The following HSPA4L variants were observed in gnomAD, a reference collection of about 807,000 sequenced individuals.
HSPA4L encodes the protein heat shock 70 kDa protein 4L.
HSPA4L carries 48 observed loss-of-function variants against 100.3 expected under a neutral mutation model. The ratio of observed to expected loss-of-function variants is 0.48; its 90% CI spans 0.38 to 0.61. The LOEUF is 0.61. Ranked by LOEUF, HSPA4L falls within the 20% of genes least tolerant of loss-of-function variation. The pLI, the probability that HSPA4L is intolerant of heterozygous loss-of-function variation, is 0.00. For missense variants in HSPA4L, 886 were observed against 988.6 expected (o/e 0.90, Z 1.39); for synonymous variants, 319 against 328.2 (o/e 0.97, Z 0.30).
At chr4:127,792,106 C>A (rs1279442032) in intron 1 of HSPA4L, among the ~76,000 whole-genome samples, 1 of 152,166 alleles carries the variant, frequency 6.6e-6, no homozygotes, top group East Asian at 1.9e-4. Context: ...TGGAATATTG[C>A]CTCTCCAGTT....
intron 18 of HSPA4L, 122 bp downstream of exon 18, chr4:127,830,921 T>C (rs994180413): frequency 9.9e-6 from 6 of 604,602 alleles, no homozygotes; most frequent in Non-Finnish European, 1.0e-5. Context: ...AGACTAATTT[T>C]TTATTTAGTT....
Position 127,782,506 on chromosome 4 carries a change from G to T in HSPA4L, c.-45G>T. ...TAGCCCAGAAGAGGACACGGTTCCC[G>T]TACCGAAGGGTTCAGTACCAGCAGC... On this transcript the variant is annotated 5_prime_UTR_variant, in exon 1 of 19. Coordinates refer to ENST00000296464, the MANE Select transcript of HSPA4L (RefSeq NM_014278.4). The T allele has an allele frequency of 6.6e-7, 1 of 1,507,904 alleles. No homozygotes were observed. The highest frequency in any genetic ancestry group is 9.2e-7 in the Non-Finnish European group (1 of 1,084,288). The allele number at this position is 1,507,904 out of a possible 1,614,324, so 93.4% of individuals were successfully genotyped here.
intron 1 of HSPA4L, among the ~76,000 whole-genome samples, chr4:127,787,889 A>G (rs1274230741): frequency 6.6e-6 from 1 of 152,126 alleles, no homozygotes; most frequent in East Asian, 1.9e-4. Context: ...GTCTTTTAAT[A>G]TGTGGTCATT....
At chr4:127,799,070 G>C (rs1733102348) in intron 4 of HSPA4L, among the ~76,000 whole-genome samples, 1 of 151,874 alleles carries the variant, frequency 6.6e-6, no homozygotes, top group Admixed American at 6.6e-5. Flanking sequence ...TTGTGTATCA[G>C]GGGAAAAAAA....
At chr4:127,823,151 T>A (rs368357567) in intron 15 of HSPA4L, among the ~76,000 whole-genome samples, 99 of 152,264 alleles carry the variant, frequency 6.5e-4, no homozygotes, top group Middle Eastern at 3.4e-3. Context: ...TTAATTTTTT[T>A]TTTATTTATT....
At position 127,838,903 on chromosome 4, in the gene HSPA4L, A is replaced by G. The variant is rs1463331174; in HGVS notation, c.*6029A>G. ...TTTTTAATATTTATTCTTCCCGTTA[A>G]GGGTTTTTTGGCTATAAATTCGTAC... On this transcript the variant is annotated 3_prime_UTR_variant, in exon 19 of 19. Transcript: ENST00000296464. The G allele has an allele frequency of 1.3e-5, 2 of 151,982 alleles. No individual in the cohort carries two copies. The highest frequency in any genetic ancestry group is 4.8e-5 in the African/African-American group (2 of 41,354). 9.4% of individuals were successfully genotyped at this position (151,982 alleles called of 1,614,324 possible). A position where few individuals can be genotyped will look rare whatever the true frequency, so the allele number is the denominator to read the frequency against.
Position 127,830,631 on chromosome 4 carries a change from T to TA in HSPA4L, c.2167-4dup. 6.4e-7 allele frequency: 1 copy of TA among 1,551,626 alleles called. No homozygotes were observed. Among genetic ancestry groups the TA allele is most frequent in the Non-Finnish European group, 8.7e-7 (1 of 1,155,432 alleles). ...AACATGCAGTCAAGCTTTTTTTTTT[T>TA]AAATAGGATGAAAGATATGATCATC... is the stretch of plus-strand genomic sequence containing the variant. On this transcript the variant is annotated splice_region_variant and splice_polypyrimidine_tract_variant and intron_variant, in intron 17 of 18. Coordinates refer to ENST00000296464, the MANE Select transcript of HSPA4L (RefSeq NM_014278.4).
chr4:127,806,254 CTG>C (rs963081961), intron 10 of HSPA4L, among the ~76,000 whole-genome samples: 21 of 151,910 alleles, frequency 1.4e-4, no homozygotes, highest in Admixed American at 6.6e-5. Context: ...CAGACAGTAA[CTG>C]TTTTTTCAAT....
intron 12 of HSPA4L, chr4:127,813,277 C>G: frequency 1.4e-6 from 1 of 737,174 alleles, no homozygotes; most frequent in Non-Finnish European, 2.3e-6. Context: ...CAGTTTCTCC[C>G]TTTTTTTAAG....
At chr4:127,794,583 CT>C (rs1428269054) in intron 2 of HSPA4L, among the ~76,000 whole-genome samples, 4 of 152,032 alleles carry the variant, frequency 2.6e-5, no homozygotes, top group Non-Finnish European at 5.9e-5. Context: ...TATTTTTAGG[CT>C]TTTGAAATCT....
chr4:127,783,659 C>G, intron 1 of HSPA4L: 1 of 1,535,570 alleles, frequency 6.5e-7, no homozygotes, highest in Non-Finnish European at 8.7e-7. Flanking sequence ...TGTATGAAAC[C>G]TATATTACTT....
rs1298703843 is a variant in HSPA4L, at chr4:127,837,254, A to C, written c.*4380A>C. The C allele has an allele frequency of 6.6e-6, 1 of 152,008 alleles. No homozygotes were observed. Among genetic ancestry groups the C allele is most frequent in the Non-Finnish European group, 1.5e-5 (1 of 67,990 alleles). The allele number at this position is 152,008 out of a possible 1,614,324, so 9.4% of individuals were successfully genotyped here. A position where few individuals can be genotyped will look rare whatever the true frequency, so the allele number is the denominator to read the frequency against. ...CGTGAGCCACCATACCCGGCCAAAA[A>C]TTTTTGCTTTTAAAGTTAATGTTAT... On this transcript the variant is annotated 3_prime_UTR_variant, in exon 19 of 19. Coordinates refer to ENST00000296464, the MANE Select transcript of HSPA4L (RefSeq NM_014278.4).
intron 1 of HSPA4L, chr4:127,783,596 A>G: frequency 6.5e-7 from 1 of 1,532,938 alleles, no homozygotes; most frequent in Non-Finnish European, 8.7e-7. Context: ...AATATGAAAA[A>G]CTAGTTGCTG....
intron 1 of HSPA4L, among the ~76,000 whole-genome samples, chr4:127,784,602 TCTTCTCTC>T: frequency 6.6e-6 from 1 of 152,268 alleles, no homozygotes; most frequent in Non-Finnish European, 1.5e-5. Context: ...CATCAGCAAC[TCTTCTCTC>T]CATGGCTGGG....
chr4:127,801,780 T>C lies in HSPA4L; in HGVS notation c.530-5T>C. 4 of 1,594,954 alleles carry C rather than the reference T, an allele frequency of 2.5e-6. No individual in the cohort carries two copies. The highest frequency in any genetic ancestry group is 3.4e-6 in the Non-Finnish European group (4 of 1,172,942). On this transcript the variant is annotated splice_region_variant and splice_polypyrimidine_tract_variant and intron_variant, in intron 5 of 18. Transcript: ENST00000296464. ...GAATTAACATAATTCTTTGTTCTTATACAGTTGCACTGGCGTATGGAATTT... is the reference window on the plus strand; with the variant it reads ...GAATTAACATAATTCTTTGTTCTTACACAGTTGCACTGGCGTATGGAATTT...
chr4:127,823,526 A>C lies in HSPA4L; in HGVS notation c.1948A>C (p.Lys650Gln), dbSNP rs200594796. ...TCAAATATATTACTAGGACTTGAGTAAACTGTCTGCAGTATTGGAAGACAC... is the reference window on the plus strand; with the variant it reads ...TCAAATATATTACTAGGACTTGAGTCAACTGTCTGCAGTATTGGAAGACAC... ...EKFITPEDLS[K>Q]LSAVLEDTEN... Residue 650 changes from lysine (K) to glutamine (Q), a missense_variant, in exon 16 of 19, where the codon AAA becomes CAA. By Grantham distance (53) the Lys-to-Gln change is moderately conservative. Transcript: ENST00000296464. The C allele has an allele frequency of 1.9e-5, 31 of 1,607,598 alleles. No homozygotes were observed. The Admixed American group carries it at 2.2e-4, about 11-fold the overall frequency.
At chr4:127,782,170 C>T (rs996518527), upstream of HSPA4L, 6 of 429,988 alleles carry the variant, frequency 1.4e-5, no homozygotes, top group Non-Finnish European at 2.3e-5. Flanking sequence ...CCCGCAGCTT[C>T]TTGGGCAGCC....
chr4:127,830,588 G>A lies in HSPA4L; in HGVS notation c.2167-50G>A, dbSNP rs765675104. 5 of 1,418,092 alleles carry A rather than the reference G, an allele frequency of 3.5e-6. No individual in the cohort carries two copies. The Admixed American group carries it at 1.2e-4, about 33-fold the overall frequency. The allele number at this position is 1,418,092 out of a possible 1,614,324, so 87.8% of individuals were successfully genotyped here. On this transcript the variant is annotated intron_variant, in intron 17 of 18. Coordinates refer to ENST00000296464, the MANE Select transcript of HSPA4L (RefSeq NM_014278.4). ...AAGTAGAAATTACTAATAAACTGGT[G>A]CTAGCTGAAAAATCATTAACATGCA... is the stretch of plus-strand genomic sequence containing the variant.
In HSPA4L at chr4:127,834,201, AG is replaced by A. The variant is rs373966230; in HGVS notation, c.*1328del. ...AATGGTGTTTCAACCTGCAAGAGAC[AG>A]AAGCATAGACAAGTATATGAGCCCT... On this transcript the variant is annotated 3_prime_UTR_variant, in exon 19 of 19. Transcript: ENST00000296464. 4.9e-3 allele frequency: 750 copies of A among 152,320 alleles called. 9 individuals carry two copies. Among genetic ancestry groups the A allele is most frequent in the African/African-American group, 0.017 (717 of 41,594 alleles). The allele number at this position is 152,320 out of a possible 1,614,324, so 9.4% of individuals were successfully genotyped here.
Sources: gnomAD v4.1 joint callset for allele counts (sites outside exome capture counted in the v4.1 genomes callset) on GRCh38, gnomAD v4.1.1 for gene constraint, MANE v1.5 for transcripts, NCBI Gene and HGNC (gene_info 2026-07-23, HGNC 2026-07-21) for gene names.